Variants in IL1RAPL1 observed in about 807,000 individuals in gnomAD.
IL1RAPL1 encodes the protein interleukin-1 receptor accessory protein-like 1.
In IL1RAPL1, 3 loss-of-function variants were observed where a neutral mutation model predicts 48.4. The observed-to-expected ratio is 0.06, with a 90% CI of 0.03 to 0.16. IL1RAPL1 has a LOEUF of 0.16. IL1RAPL1 is among the 10% of genes least tolerant of loss of function. The probability of loss-of-function intolerance (pLI) is 1.00; values close to 1 mark genes in which losing one functional copy is unlikely to be tolerated. For missense variants in IL1RAPL1, 349 were observed against 530.6 expected, an observed-to-expected ratio of 0.66 and a Z score of 3.36; for synonymous variants, 185 against 187.7, an observed-to-expected ratio of 0.99 and a Z score of 0.12.
At chrX:29,118,758 G>C (rs1928724939) in intron 2 of IL1RAPL1, among the ~76,000 whole-genome samples, 1 of 110,843 alleles carries the variant, frequency 9.0e-6, no homozygotes, top group Non-Finnish European at 1.9e-5. Flanking sequence ...TATTTGAGAG[G>C]TTATGTTTTG....
intron 6 of IL1RAPL1, among the ~76,000 whole-genome samples, chrX:29,825,273 T>C (rs1161711923): frequency 3.6e-5 from 4 of 111,229 alleles, no homozygotes; most frequent in Non-Finnish European, 7.5e-5. Flanking sequence ...TGTCTATCGG[T>C]GTCCATCAGA....
chrX:29,947,882 A>G (rs1933244576), intron 9 of IL1RAPL1, among the ~76,000 whole-genome samples: 1 of 109,752 alleles, frequency 9.1e-6, no homozygotes, highest in African/African-American at 3.3e-5. Flanking sequence ...TGTTCTGGGT[A>G]TATGACTTGC....
chrX:29,751,601 A>G (rs1003325460), intron 6 of IL1RAPL1, among the ~76,000 whole-genome samples: 20 of 111,296 alleles, frequency 1.8e-4, no homozygotes, highest in African/African-American at 6.2e-4. Flanking sequence ...CCTTCTAACA[A>G]GTGATTTTAC....
chrX:29,607,206 TTAATTA>T (rs1923920644), intron 5 of IL1RAPL1, among the ~76,000 whole-genome samples: 1 of 111,535 alleles, frequency 9.0e-6, no homozygotes, highest in South Asian at 3.8e-4. Flanking sequence ...AAGGCATGAA[TTAATTA>T]TTTTGGAAGT....
intron 6 of IL1RAPL1, among the ~76,000 whole-genome samples, chrX:29,775,231 G>T (rs758875142): frequency 9.0e-6 from 1 of 111,398 alleles, no homozygotes; most frequent in East Asian, 2.8e-4. Context: ...CATCATTGGG[G>T]TTGTTTGGGA....
chrX:28,870,434 T>G (rs1191837856), intron 2 of IL1RAPL1, among the ~76,000 whole-genome samples: 2 of 111,752 alleles, frequency 1.8e-5, no homozygotes, highest in East Asian at 5.6e-4. Flanking sequence ...TCCTGATTTC[T>G]TTTGTGCTTT....
chrX:29,657,037 C>CCCTTCATGGCTT (rs752648362), intron 5 of IL1RAPL1, among the ~76,000 whole-genome samples: 389 of 111,502 alleles, frequency 3.5e-3, no homozygotes, highest in South Asian at 0.015. Context: ...GGTTTCTAAA[C>CCCTTCATGGCTT]CCTTCATGGC....
At chrX:29,807,558 T>C (rs1272507695) in intron 6 of IL1RAPL1, among the ~76,000 whole-genome samples, 1 of 89,698 alleles carries the variant, frequency 1.1e-5, no homozygotes, top group South Asian at 5.8e-4. Flanking sequence ...GAGGTTGCAA[T>C]GAGCCAAGAT....
chrX:29,209,759 A>G (rs896340272), intron 2 of IL1RAPL1, among the ~76,000 whole-genome samples: 1 of 111,952 alleles, frequency 8.9e-6, no homozygotes, highest in Non-Finnish European at 1.9e-5. Context: ...ATAAATGCCA[A>G]TTGTAGAATT....
intron 5 of IL1RAPL1, among the ~76,000 whole-genome samples, chrX:29,406,677 A>G (rs936147182): frequency 9.1e-6 from 1 of 110,423 alleles, no homozygotes; most frequent in African/African-American, 3.4e-5. Context: ...TATATTGCTG[A>G]TTTGTATTGA....
intron 5 of IL1RAPL1, among the ~76,000 whole-genome samples, chrX:29,646,788 C>G (rs1224521872): frequency 1.8e-5 from 2 of 110,293 alleles, no homozygotes; most frequent in Non-Finnish European, 3.8e-5. Context: ...ACCTTACAGA[C>G]CAGAAGAGAG....
At chrX:29,203,129 A>G (rs1930589630) in intron 2 of IL1RAPL1, among the ~76,000 whole-genome samples, 1 of 111,787 alleles carries the variant, frequency 8.9e-6, no homozygotes, top group African/African-American at 3.3e-5. Flanking sequence ...TAGTAACAGA[A>G]AAGTACCGAA....
intron 2 of IL1RAPL1, among the ~76,000 whole-genome samples, chrX:28,862,814 TTCTC>T (rs1921978752): frequency 8.9e-6 from 1 of 112,304 alleles, no homozygotes; most frequent in Admixed American, 9.5e-5. Context: ...ATGCTTCTGT[TTCTC>T]TCTCTGATAC....
intron 6 of IL1RAPL1, among the ~76,000 whole-genome samples, chrX:29,824,146 A>T (rs1930680830): frequency 9.0e-6 from 1 of 111,668 alleles, no homozygotes; most frequent in South Asian, 3.7e-4. Flanking sequence ...GACTGTTTTG[A>T]TAAGCTCCAC....
chrX:29,186,979 G>T (rs897981334), intron 2 of IL1RAPL1, among the ~76,000 whole-genome samples: 1 of 110,790 alleles, frequency 9.0e-6, no homozygotes, highest in Admixed American at 9.7e-5. Flanking sequence ...TGGAGTTGGG[G>T]GGGAGGGAGA....
intron 1 of IL1RAPL1, among the ~76,000 whole-genome samples, chrX:28,651,104 T>C (rs1333098665): frequency 8.9e-6 from 1 of 112,154 alleles, no homozygotes; most frequent in Non-Finnish European, 1.9e-5. Flanking sequence ...CCTCATGCTA[T>C]GTGTATAAGC....
chrX:29,685,853 T>C (rs771571141), intron 6 of IL1RAPL1, among the ~76,000 whole-genome samples: 57 of 107,587 alleles, frequency 5.3e-4, no homozygotes, highest in African/African-American at 2.0e-3. Context: ...GGCATGGTGG[T>C]GGGTGCCTGT....
chrX:29,840,971 A>G (rs1252392557), intron 6 of IL1RAPL1, among the ~76,000 whole-genome samples: 1 of 112,484 alleles, frequency 8.9e-6, no homozygotes, highest in Non-Finnish European at 1.9e-5. Context: ...CATTTATTAA[A>G]GAAGAAGAAT....
intron 5 of IL1RAPL1, among the ~76,000 whole-genome samples, chrX:29,494,396 A>G (rs1014855636): frequency 2.7e-5 from 3 of 111,772 alleles, no homozygotes; most frequent in East Asian, 2.8e-4. Flanking sequence ...GGTTGATTCT[A>G]TGTCTTTGCT....
Sources: allele counts gnomAD v4.1 joint callset (sites outside exome capture counted in the v4.1 genomes callset), GRCh38; gene constraint gnomAD v4.1.1; transcripts MANE v1.5; gene names NCBI Gene and HGNC (gene_info 2026-07-23, HGNC 2026-07-21).